The following UBASH3A variants were observed in gnomAD, a reference collection of about 807,000 sequenced individuals.
The protein encoded by UBASH3A is ubiquitin associated and SH3 domain containing A, also known as ubiquitin-associated and SH3 domain-containing protein A.
UBASH3A carries 63 observed loss-of-function variants against 73.5 expected under a neutral mutation model. The observed-to-expected ratio is 0.86, with a 90% CI of 0.70 to 1.06. The LOEUF is 1.06. Ranked by LOEUF, UBASH3A falls within the 50% of genes least tolerant of loss-of-function variation. The pLI, the probability that UBASH3A is intolerant of heterozygous loss-of-function variation, is 0.00. For missense variants in UBASH3A, 860 were observed against 859.0 expected (o/e 1.00, Z -0.02); for synonymous variants, 363 against 351.1 (o/e 1.03, Z -0.38).
chr21:42,434,843 A>G lies in UBASH3A; in HGVS notation c.1282A>G (p.Arg428Gly). The part of the protein sequence containing the change: ...QCSTPDGKYY[R>G]PDLNFPCSLP... ...TATTTATACTTCAGGGAAATACTAC[A>G]GGCCAGACCTGAATTTCCCCTGCAG... Residue 428 changes from arginine (R) to glycine (G), a missense_variant, in exon 10 of 15, where the codon AGG becomes GGG. Physicochemically the swap from Arg to Gly is moderately radical, Grantham distance 125. Coordinates refer to ENST00000319294, the MANE Select transcript of UBASH3A (RefSeq NM_018961.4). 1 of 1,613,868 alleles carries G rather than the reference A, an allele frequency of 6.2e-7. No individual in the cohort carries two copies. The highest frequency in any genetic ancestry group is 8.5e-7 in the Non-Finnish European group (1 of 1,179,894).
intron 1 of UBASH3A, among the ~76,000 whole-genome samples, chr21:42,404,470 TGACCTTTTAAA>T (rs2052928964): frequency 6.6e-6 from 1 of 152,200 alleles, no homozygotes; most frequent in Non-Finnish European, 1.5e-5. Flanking sequence ...CTGATATTCT[TGACCTTTTAAA>T]GACCAGCTCG....
At chr21:42,409,400 G>A in intron 2 of UBASH3A, 22 bp from the exon 3 acceptor site, 2 of 1,524,744 alleles carry the variant, frequency 1.3e-6, no homozygotes, top group East Asian at 2.3e-5. Context: ...AGTGGGTGAT[G>A]CCGGCTTGCT....
Position 42,442,612 on chromosome 21 carries a change from G to T in UBASH3A, c.1631+16G>T. 1.3e-6 allele frequency: 2 copies of T among 1,589,366 alleles called. No homozygotes were observed. The highest frequency in any genetic ancestry group is 1.7e-6 in the Non-Finnish European group (2 of 1,171,358). On this transcript the variant is annotated intron_variant, in intron 12 of 14. Coordinates refer to ENST00000319294, the MANE Select transcript of UBASH3A (RefSeq NM_018961.4). ...CTGATTACAGGTATGCTGTTCTAAA[G>T]TTCTCTGCCACTGGGGCTTTTCCAG...
intron 8 of UBASH3A, among the ~76,000 whole-genome samples, chr21:42,429,406 C>T (rs1163500604): frequency 1.3e-5 from 2 of 152,212 alleles, no homozygotes; most frequent in Non-Finnish European, 2.9e-5. Context: ...CCACTCCCCA[C>T]AGGGCTTTCT....
chr21:42,441,370 T>C (rs184665056), intron 11 of UBASH3A, among the ~76,000 whole-genome samples: 57 of 149,782 alleles, frequency 3.8e-4, no homozygotes, highest in African/African-American at 1.3e-3. Flanking sequence ...TCTTATTTGT[T>C]CACAATGGAA....
At chr21:42,443,224 C>T (rs768713003) in intron 12 of UBASH3A, 88 bp from the exon 13 acceptor site, 30 of 1,463,500 alleles carry the variant, frequency 2.0e-5, no homozygotes, top group Admixed American at 2.4e-5. Context: ...CCTGGAAGAA[C>T]GTTCTCCTTC....
At chr21:42,417,144 T>C (rs1398896292) in intron 6 of UBASH3A, among the ~76,000 whole-genome samples, 1 of 151,970 alleles carries the variant, frequency 6.6e-6, no homozygotes, top group Non-Finnish European at 1.5e-5. Context: ...AAAAGGAAGC[T>C]GGGTGTGGTG....
chr21:42,438,975 C>G (rs560618462), intron 11 of UBASH3A, among the ~76,000 whole-genome samples: 11 of 152,102 alleles, frequency 7.2e-5, no homozygotes, highest in Non-Finnish European at 1.5e-4. Context: ...GGGGCCGGGA[C>G]CTTCACAGGA....
At chr21:42,441,824 C>T (rs1192665598) in intron 11 of UBASH3A, among the ~76,000 whole-genome samples, 1 of 152,206 alleles carries the variant, frequency 6.6e-6, no homozygotes, top group East Asian at 1.9e-4. Context: ...CATTTGAGTT[C>T]AATGACATCT....
intron 8 of UBASH3A, among the ~76,000 whole-genome samples, chr21:42,429,514 T>G (rs554228063): frequency 3.9e-5 from 6 of 152,286 alleles, no homozygotes; most frequent in Middle Eastern, 3.4e-3. Flanking sequence ...ATCCAAAACT[T>G]CAGCCCGCAA....
intron 8 of UBASH3A, among the ~76,000 whole-genome samples, chr21:42,428,640 C>G (rs1445412631): frequency 3.3e-5 from 5 of 151,846 alleles, no homozygotes; most frequent in Non-Finnish European, 7.4e-5. Flanking sequence ...TTAAAAAATA[C>G]CTTCACAGTG....
chr21:42,406,240 C>T, intron 1 of UBASH3A, 68 bp from the exon 2 acceptor site: 1 of 1,337,394 alleles, frequency 7.5e-7, no homozygotes, highest in Non-Finnish European at 1.1e-6. Flanking sequence ...AAGGCCACAC[C>T]CTGCCTCTCT....
At chr21:42,417,419 C>CAAAAAAAAAAAAAAA (rs71190423) in intron 6 of UBASH3A, 1 of 74,312 alleles carries the variant, frequency 1.3e-5, no homozygotes, top group Non-Finnish European at 2.5e-5. Context: ...GCGAGACTGG[C>CAAAAAAAAAAAAAAA]AAAAAAAAAA....
Position 42,426,931 on chromosome 21 carries a change from T to C in UBASH3A, c.1170+111T>C, listed in dbSNP as rs2053446037. ...GTGTAGCTTTTGTTCCATAGACACA[T>C]CCTCCCTGCCCTAGAGCGTGGTCAG... On this transcript the variant is annotated intron_variant, in intron 8 of 14. Transcript: ENST00000319294. The C allele has an allele frequency of 5.8e-6, 8 of 1,373,048 alleles. No homozygotes were observed. In the East Asian group the frequency reaches 1.9e-4, roughly 33 times the overall value. The allele number at this position is 1,373,048 out of a possible 1,614,324, so 85.1% of individuals were successfully genotyped here.
chr21:42,424,550 G>A (rs2053401544), intron 7 of UBASH3A, among the ~76,000 whole-genome samples: 1 of 152,248 alleles, frequency 6.6e-6, no homozygotes, highest in East Asian at 1.9e-4. Context: ...GCACCCCTGT[G>A]GGACAAACAA....
chr21:42,422,167 A>T (rs1333128908), intron 7 of UBASH3A, among the ~76,000 whole-genome samples: 3 of 152,206 alleles, frequency 2.0e-5, no homozygotes, highest in Non-Finnish European at 4.4e-5. Context: ...ATGACATTCC[A>T]TATCATCTTC....
chr21:42,423,706 A>T (rs1351079050), intron 7 of UBASH3A, among the ~76,000 whole-genome samples: 4 of 152,240 alleles, frequency 2.6e-5, no homozygotes, highest in Admixed American at 2.6e-4. Flanking sequence ...TAACCATTCC[A>T]GCTTTTATGC....
chr21:42,433,804 C>A (rs982096830), intron 9 of UBASH3A, among the ~76,000 whole-genome samples: 8 of 152,072 alleles, frequency 5.3e-5, no homozygotes, highest in Non-Finnish European at 1.0e-4. Context: ...AATTGCCCCC[C>A]GCTGACCCCT....
chr21:42,433,523 C>T lies in UBASH3A; in HGVS notation c.1271-1309C>T, dbSNP rs199944795. 2.6e-5 allele frequency among the ~76,000 whole-genome samples: 4 copies of T among 152,164 alleles called. No individual in the cohort carries two copies. The East Asian group carries it at 7.7e-4, about 29-fold the overall frequency. ...TCTCCTGAGCTCTGCCCTCTGCCCC[C>T]AGAGTGATCACAGCTGAAGTGTCAA... On this transcript the variant is annotated intron_variant, in intron 9 of 14. Transcript: ENST00000319294.
Sources: allele counts gnomAD v4.1 joint callset (sites outside exome capture counted in the v4.1 genomes callset), GRCh38; gene constraint gnomAD v4.1.1; transcripts MANE v1.5; gene names NCBI Gene and HGNC (gene_info 2026-07-23, HGNC 2026-07-21).